COL19A1: variants seen among roughly 807,000 people sequenced by gnomAD.
COL19A1 encodes the protein collagen type XIX alpha 1 chain.
Under a neutral mutation model 190.2 loss-of-function variants are expected in COL19A1, and 159 were observed. That is an observed-to-expected ratio of 0.84 (90% CI 0.73 to 0.95). The LOEUF (loss-of-function observed/expected upper bound fraction) is 0.95. Among genes scored for constraint, COL19A1 ranks in the 40% least tolerant of loss-of-function variants. The pLI is 0.00. For synonymous variants in COL19A1, 509 were observed against 458.9 expected (o/e 1.11, Z -1.39); for missense variants, 1,418 against 1,431.9 (o/e 0.99, Z 0.16).
rs142090829 is a variant in COL19A1, at chr6:70,026,125, T to C, written c.1080+2445T>C. ...ATAGAAAGAGGAGTTTTTGAAATAT[T>C]TGAATAAAACTAGAAAGATATTTGA... On this transcript the variant is annotated intron_variant, in intron 12 of 50. Transcript: ENST00000620364. Among the ~76,000 whole-genome samples, 509 of 152,304 alleles carry C rather than the reference T, an allele frequency of 3.3e-3. 3 individuals are homozygous for C. Among genetic ancestry groups the C allele is most frequent in the African/African-American group, 0.012 (488 of 41,560 alleles).
In COL19A1 at chr6:69,906,057, G is replaced by A. The variant is rs188461225; in HGVS notation, c.266+5719G>A. ...AAATTGTGTTTTGGCAGTTATCAGG[G>A]GAAATTGGTAAAATACTGAGTAAAA... is the stretch of plus-strand genomic sequence containing the variant. On this transcript the variant is annotated intron_variant, in intron 4 of 50. Coordinates refer to ENST00000620364, the MANE Select transcript of COL19A1 (RefSeq NM_001858.6). Among the ~76,000 whole-genome samples the A allele has an allele frequency of 7.9e-5, 12 of 152,178 alleles. No homozygotes were observed. In the East Asian group the frequency reaches 2.3e-3, roughly 29 times the overall value.
At chr6:70,050,700 T>C (rs753755367) in intron 14 of COL19A1, among the ~76,000 whole-genome samples, 13 of 152,118 alleles carry the variant, frequency 8.5e-5, no homozygotes, top group Non-Finnish European at 1.6e-4. Flanking sequence ...ACCTAATTAA[T>C]TTAGGACAGG....
Position 70,156,364 on chromosome 6 carries a change from C to T in COL19A1, c.2233C>T (p.Pro745Ser). 2 of 1,613,090 alleles carry T rather than the reference C, an allele frequency of 1.2e-6. No homozygotes were observed. Among genetic ancestry groups the T allele is most frequent in the South Asian group, 2.2e-5 (2 of 91,064 alleles). Residue 745 changes from proline to serine, a missense_variant, in exon 33 of 51, where the codon CCA (proline) becomes TCA (serine). Physicochemically the swap from Pro to Ser is moderately conservative, Grantham distance 74. Transcript: ENST00000620364. ...GPPGIPGREGPKGSKGERGYP... is the reference protein window; with the variant it reads ...GPPGIPGREGSKGSKGERGYP... ...TCCAGGAATCCCAGGAAGAGAGGGA[C>T]CAAAGGTAAGAAATTCTCTCCTCCA...
At chr6:70,128,762 T>C (rs923919506) in intron 17 of COL19A1, among the ~76,000 whole-genome samples, 2 of 152,210 alleles carry the variant, frequency 1.3e-5, no homozygotes, top group South Asian at 2.1e-4. Context: ...TAAGTATTGA[T>C]GTAAGAAAGA....
chr6:70,184,819 T>A (rs1236654935), intron 45 of COL19A1, 52 bp from the exon 46 acceptor site: 2 of 1,608,924 alleles, frequency 1.2e-6, no homozygotes, highest in Non-Finnish European at 1.7e-6. Flanking sequence ...TCAATCAGAC[T>A]GATGAAAAAT....
intron 14 of COL19A1, among the ~76,000 whole-genome samples, chr6:70,055,779 A>AT (rs1030430024): frequency 3.4e-5 from 3 of 88,540 alleles, no homozygotes; most frequent in African/African-American, 7.3e-5. Flanking sequence ...AAAACTCTGT[A>AT]TTAAAAAAAA....
intron 14 of COL19A1, among the ~76,000 whole-genome samples, chr6:70,059,100 C>T (rs554334754): frequency 6.6e-6 from 1 of 152,128 alleles, no homozygotes; most frequent in East Asian, 1.9e-4. Flanking sequence ...CACAGAAAAT[C>T]CCCTAGTAGT....
chr6:70,030,543 A>G (rs1478177649), intron 12 of COL19A1, among the ~76,000 whole-genome samples: 1 of 152,104 alleles, frequency 6.6e-6, no homozygotes, highest in Non-Finnish European at 1.5e-5. Flanking sequence ...TCACACTTAC[A>G]CATTTATAAG....
At chr6:70,207,024 T>C in intron 50 of COL19A1, 46 bp downstream of exon 50, 1 of 1,608,182 alleles carries the variant, frequency 6.2e-7, no homozygotes, top group Non-Finnish European at 8.5e-7. Context: ...CTTTACAAAT[T>C]AGAACCATGC....
At chr6:69,879,155 T>A (rs2502550) in intron 1 of COL19A1, among the ~76,000 whole-genome samples, 70,290 of 152,010 alleles carry the variant, frequency 0.46, 16,642 homozygotes, top group Middle Eastern at 0.56. Context: ...TTTATTTAAT[T>A]CCACTGAACT....
Position 70,117,865 on chromosome 6 carries a change from G to A in COL19A1, c.1279-4015G>A, listed in dbSNP as rs80224572. 1.3e-3 allele frequency among the ~76,000 whole-genome samples: 196 copies of A among 152,256 alleles called. 2 individuals carry two copies. The East Asian group carries it at 0.031, about 24-fold the overall frequency. On this transcript the variant is annotated intron_variant, in intron 16 of 50. Coordinates refer to ENST00000620364, the MANE Select transcript of COL19A1 (RefSeq NM_001858.6). ...GGTCACTGTTATAAGCAAGATATTG[G>A]GACATTTTTCCTTTCCATAAACCTT...
In COL19A1 at chr6:70,207,278, C is replaced by T. The variant is rs1767945626; in HGVS notation, c.*4C>T. ...TCAGCGCACAGGTGGGAATTGAACA[C>T]ACCTGAAGAAGACTTGGTTCCTGGT... is the stretch of plus-strand genomic sequence containing the variant. On this transcript the variant is annotated 3_prime_UTR_variant, in exon 51 of 51. Transcript: ENST00000620364. The T allele has an allele frequency of 1.2e-6, 2 of 1,601,908 alleles. No homozygotes were observed. The highest frequency in any genetic ancestry group is 8.5e-7 in the Non-Finnish European group (1 of 1,172,616).
intron 15 of COL19A1, among the ~76,000 whole-genome samples, chr6:70,090,190 G>C (rs1339540962): frequency 1.3e-5 from 2 of 150,338 alleles, no homozygotes; most frequent in Admixed American, 6.6e-5. Flanking sequence ...AAAAAAAAAA[G>C]ATTTGCACAT....
At chr6:69,877,101 G>GAATA (rs1768175570) in intron 1 of COL19A1, among the ~76,000 whole-genome samples, 2 of 152,134 alleles carry the variant, frequency 1.3e-5, no homozygotes, top group Non-Finnish European at 2.9e-5. Flanking sequence ...TTAGACACTG[G>GAATA]TATAATGAAT....
chr6:69,897,985 T>C (rs1327970292), intron 2 of COL19A1, among the ~76,000 whole-genome samples: 2 of 152,132 alleles, frequency 1.3e-5, no homozygotes, highest in African/African-American at 4.8e-5. Context: ...ATGCCTGAGG[T>C]CTGTGATATA....
chr6:70,088,303 C>T (rs906489240), intron 15 of COL19A1, among the ~76,000 whole-genome samples: 1 of 151,998 alleles, frequency 6.6e-6, no homozygotes, highest in Non-Finnish European at 1.5e-5. Flanking sequence ...AGAAATTGCT[C>T]AGGCTGAGAG....
chr6:69,941,265 A>C (rs1773448755), intron 9 of COL19A1, among the ~76,000 whole-genome samples: 1 of 152,162 alleles, frequency 6.6e-6, no homozygotes, highest in Admixed American at 6.6e-5. Context: ...ATCCTTAATA[A>C]TACCTAGCCA....
chr6:70,180,334 C>T lies in COL19A1; in HGVS notation c.2690C>T (p.Pro897Leu), dbSNP rs766274494. ...CAGGGAAAACCTGGTGCCCCAGGGC[C>T]TCCAGGAGTTCCAGGGGAACCGGTG... is the stretch of plus-strand genomic sequence containing the variant. Reference protein sequence around the residue: ...GMSGKPGAPGPPGVPGEPGER... With the variant: ...GMSGKPGAPGLPGVPGEPGER... Residue 897 changes from proline to leucine, a missense_variant, in exon 43 of 51, where the codon CCT becomes CTT. Pro to Leu is a moderately conservative substitution (Grantham distance 98). Coordinates refer to ENST00000620364, the MANE Select transcript of COL19A1 (RefSeq NM_001858.6). 6.2e-7 allele frequency: 1 copy of T among 1,614,158 alleles called. No individual in the cohort carries two copies. The highest frequency in any genetic ancestry group is 1.1e-5 in the South Asian group (1 of 91,084).
At chr6:70,188,278 G>A in intron 47 of COL19A1, 33 bp downstream of exon 47, 1 of 1,558,190 alleles carries the variant, frequency 6.4e-7, no homozygotes, top group Non-Finnish European at 8.6e-7. Context: ...AGGGCTCCTG[G>A]CTTGTACCGA....
Sources: allele counts gnomAD v4.1 joint callset (sites outside exome capture counted in the v4.1 genomes callset), GRCh38; gene constraint gnomAD v4.1.1; transcripts MANE v1.5; gene names NCBI Gene and HGNC (gene_info 2026-07-23, HGNC 2026-07-21).